CORO1C: variants seen among roughly 807,000 people sequenced by gnomAD.
CORO1C encodes the protein coronin 1C.
Under a neutral mutation model 51.2 loss-of-function variants are expected in CORO1C, and 14 were observed. The ratio of observed to expected loss-of-function variants is 0.27; its 90% CI spans 0.18 to 0.43. The LOEUF is 0.43. CORO1C is among the 20% of genes least tolerant of loss of function. CORO1C has a pLI of 1.00. For synonymous variants in CORO1C, 181 were observed against 210.5 expected, an observed-to-expected ratio of 0.86 and a Z score of 1.21; for missense variants, 417 against 607.8, an observed-to-expected ratio of 0.69 and a Z score of 3.30.
At chr12:108,706,816 G>T (rs560607984) in intron 1 of CORO1C, among the ~76,000 whole-genome samples, 1 of 152,026 alleles carries the variant, frequency 6.6e-6, no homozygotes, top group East Asian at 1.9e-4. Flanking sequence ...ACTCTTGACC[G>T]CAGGTGATCC....
intron 8 of CORO1C, among the ~76,000 whole-genome samples, chr12:108,650,353 A>G (rs2136792794): frequency 6.6e-6 from 1 of 151,880 alleles, no homozygotes; most frequent in African/African-American, 2.4e-5. Flanking sequence ...TAATTTTTTT[A>G]ATGTTTTGTA....
chr12:108,679,524 A>C (rs1174715281), intron 2 of CORO1C, among the ~76,000 whole-genome samples: 1 of 152,242 alleles, frequency 6.6e-6, no homozygotes, highest in Non-Finnish European at 1.5e-5. Flanking sequence ...TCCACGCTGA[A>C]GCTGTGTATG....
chr12:108,722,763 T>C (rs940295812), intron 1 of CORO1C, among the ~76,000 whole-genome samples: 2 of 152,238 alleles, frequency 1.3e-5, no homozygotes, highest in Non-Finnish European at 2.9e-5. Flanking sequence ...TCTGGGCTCT[T>C]GCTCATTCAC....
intron 3 of CORO1C, among the ~76,000 whole-genome samples, chr12:108,664,880 C>T (rs1051954634): frequency 1.7e-4 from 26 of 152,118 alleles, no homozygotes; most frequent in African/African-American, 6.3e-4. Context: ...AGCATGAAGT[C>T]GACAGAAAAA....
At chr12:108,650,080 G>GT (rs1290638498) in intron 8 of CORO1C, among the ~76,000 whole-genome samples, 1 of 150,400 alleles carries the variant, frequency 6.6e-6, no homozygotes, top group African/African-American at 2.4e-5. Flanking sequence ...GGTGGTAAAG[G>GT]TTTATAAAAT....
In CORO1C at chr12:108,662,077, C is replaced by T. The variant is rs773099874; in HGVS notation, c.400G>A (p.Gly134Ser). Residue 134 changes from glycine (G) to serine (S), a missense_variant, in exon 4 of 11, where the codon GGC (glycine) becomes AGC (serine). Gly to Ser is a moderately conservative substitution (Grantham distance 56). Transcript: ENST00000261401. ...GCCGTTGGATGCCAAGCCACGATGC[C>T]GACTCTCTTTGAGTGGCCTTCCAAA... ...VILEGHSKRV[G>S]IVAWHPTARN... 4 of 1,613,986 alleles carry T rather than the reference C, an allele frequency of 2.5e-6. No homozygotes were observed. The highest frequency in any genetic ancestry group is 2.7e-5 in the African/African-American group (2 of 74,920).
intron 1 of CORO1C, among the ~76,000 whole-genome samples, chr12:108,708,261 C>T (rs941536235): frequency 3.3e-5 from 5 of 152,018 alleles, no homozygotes; most frequent in Non-Finnish European, 5.9e-5. Flanking sequence ...AATGGATAAA[C>T]AAAATGTGAT....
chr12:108,696,344 T>A (rs551997303), intron 2 of CORO1C: 1 of 149,770 alleles, frequency 6.7e-6, no homozygotes, highest in Non-Finnish European at 1.5e-5. Context: ...TTCTTACCGA[T>A]TCCTCCCCCT....
At chr12:108,712,858 G>C (rs1487784806) in intron 1 of CORO1C, among the ~76,000 whole-genome samples, 2 of 149,256 alleles carry the variant, frequency 1.3e-5, no homozygotes, top group Non-Finnish European at 3.0e-5. Flanking sequence ...CCAGGAGTTT[G>C]AGGCTGCAGT....
chr12:108,676,032 A>C (rs947981076), intron 3 of CORO1C, among the ~76,000 whole-genome samples: 2 of 152,216 alleles, frequency 1.3e-5, no homozygotes, highest in Admixed American at 6.5e-5. Flanking sequence ...AAAATGATGA[A>C]GGAGGAATCT....
intron 1 of CORO1C, among the ~76,000 whole-genome samples, chr12:108,708,403 A>G (rs191217806): frequency 5.9e-5 from 9 of 152,306 alleles, no homozygotes; most frequent in African/African-American, 1.9e-4. Context: ...ACTAATTTAT[A>G]TGAAAGTCCA....
intron 7 of CORO1C, chr12:108,653,054 A>G (rs2032754537): frequency 6.6e-6 from 1 of 152,630 alleles, no homozygotes; most frequent in South Asian, 2.1e-4. Flanking sequence ...AATGACGGCA[A>G]TCTTGTCTGG....
chr12:108,648,859 G>C lies in CORO1C; in HGVS notation c.1060-9C>G, dbSNP rs747712315. The C allele has an allele frequency of 1.2e-6, 2 of 1,614,106 alleles. No homozygotes were observed. The highest frequency in any genetic ancestry group is 1.7e-5 in the Admixed American group (1 of 59,988). On this transcript the variant is annotated splice_polypyrimidine_tract_variant and intron_variant, in intron 9 of 10. Coordinates refer to ENST00000261401, the MANE Select transcript of CORO1C (RefSeq NM_014325.4). ...TCTTGGAAAAGGTCAGACTACAAGA[G>C]ACATTTGGCACCCGTGGGTAAGGAA... is the stretch of plus-strand genomic sequence containing the variant.
intron 7 of CORO1C, 85 bp from the exon 8 acceptor site, chr12:108,652,502 A>AACTACTGCTGGGTTT: frequency 8.9e-7 from 1 of 1,123,044 alleles, no homozygotes; most frequent in Non-Finnish European, 1.3e-6. Flanking sequence ...CTACAAACCC[A>AACTACTGCTGGGTTT]GCAGTAGTTG....
At chr12:108,656,171 C>G (rs1249140094) in intron 6 of CORO1C, among the ~76,000 whole-genome samples, 2 of 48,140 alleles carry the variant, frequency 4.2e-5, no homozygotes, top group Non-Finnish European at 8.5e-5. Flanking sequence ...AAGTGAGGAG[C>G]CCCTCCGCCC....
intron 1 of CORO1C, among the ~76,000 whole-genome samples, chr12:108,712,913 T>TA (rs142742201): frequency 0.042 from 5,396 of 128,044 alleles, 166 homozygotes; most frequent in South Asian, 0.17. Context: ...CATGTCTCTT[T>TA]AAAAAAAAAA....
At chr12:108,663,388 T>C (rs1055220681) in intron 3 of CORO1C, among the ~76,000 whole-genome samples, 3 of 152,232 alleles carry the variant, frequency 2.0e-5, no homozygotes, top group African/African-American at 4.8e-5. Context: ...AGAATGTTCA[T>C]AGAAGCATTA....
intron 8 of CORO1C, among the ~76,000 whole-genome samples, chr12:108,650,180 CTTTTT>C (rs1057367204): frequency 1.2e-5 from 1 of 80,412 alleles, no homozygotes; most frequent in African/African-American, 4.7e-5. Flanking sequence ...AACCAAAAAC[CTTTTT>C]TTTTTTTTTT....
intron 1 of CORO1C, among the ~76,000 whole-genome samples, chr12:108,725,987 C>T (rs969333138): frequency 2.6e-5 from 4 of 151,856 alleles, no homozygotes; most frequent in Non-Finnish European, 4.4e-5. Flanking sequence ...CAGGCGCGTG[C>T]CACCACACCC....
Sources: gnomAD v4.1 joint callset for allele counts (sites outside exome capture counted in the v4.1 genomes callset) on GRCh38, gnomAD v4.1.1 for gene constraint, MANE v1.5 for transcripts, NCBI Gene and HGNC (gene_info 2026-07-23, HGNC 2026-07-21) for gene names.